Variants in DEUP1 observed in about 807,000 individuals in gnomAD.
The protein encoded by DEUP1 is deuterosome assembly protein 1.
Under a neutral mutation model 87.4 loss-of-function variants are expected in DEUP1, and 82 were observed. That is an observed-to-expected ratio of 0.94 (90% CI 0.78 to 1.13). The LOEUF (loss-of-function observed/expected upper bound fraction) is 1.13, where lower values mean the gene tolerates loss of function less well. Among genes scored for constraint, DEUP1 ranks in the 50% most tolerant of loss-of-function variants. DEUP1 has a pLI of 0.00. For synonymous variants in DEUP1, 214 were observed against 222.7 expected (o/e 0.96, Z 0.35); for missense variants, 663 against 681.5 (o/e 0.97, Z 0.30).
At chr11:93,436,263 T>G (rs1309594853) in intron 13 of DEUP1, among the ~76,000 whole-genome samples, 1 of 152,176 alleles carries the variant, frequency 6.6e-6, no homozygotes, top group Non-Finnish European at 1.5e-5. Flanking sequence ...CTCATTAACA[T>G]GATGTTAGTG....
intron 4 of DEUP1, among the ~76,000 whole-genome samples, chr11:93,359,862 G>A (rs970584962): frequency 1.2e-4 from 19 of 152,146 alleles, no homozygotes; most frequent in Admixed American, 3.9e-4. Context: ...AAGGTAACCC[G>A]GGCCCTCTTT....
chr11:93,409,962 T>G (rs1210885292), intron 12 of DEUP1, among the ~76,000 whole-genome samples: 1 of 152,124 alleles, frequency 6.6e-6, no homozygotes, highest in Non-Finnish European at 1.5e-5. Flanking sequence ...AAGATAGTTC[T>G]GTGGGGGAGA....
chr11:93,366,546 T>C (rs1024621867), intron 5 of DEUP1, among the ~76,000 whole-genome samples: 2 of 152,170 alleles, frequency 1.3e-5, no homozygotes, highest in African/African-American at 4.8e-5. Context: ...AAAACCCTTA[T>C]GAAGCTCTCT....
At chr11:93,372,823 G>A (rs1223608771) in intron 7 of DEUP1, among the ~76,000 whole-genome samples, 1 of 152,236 alleles carries the variant, frequency 6.6e-6, no homozygotes, top group African/African-American at 2.4e-5. Flanking sequence ...CAAAGGTATT[G>A]ATGGTGTTTT....
chr11:93,335,256 GA>G (rs1173096536), intron 2 of DEUP1, among the ~76,000 whole-genome samples: 1 of 144,316 alleles, frequency 6.9e-6, no homozygotes, highest in Non-Finnish European at 1.6e-5. Flanking sequence ...ATAGGATATG[GA>G]CTATATGATT....
At chr11:93,405,974 A>G (rs912381102) in intron 11 of DEUP1, among the ~76,000 whole-genome samples, 2 of 151,928 alleles carry the variant, frequency 1.3e-5, no homozygotes, top group Non-Finnish European at 2.9e-5. Context: ...CAGCTACACA[A>G]CTCACGTATA....
chr11:93,370,744 G>A (rs1208482330), intron 6 of DEUP1, among the ~76,000 whole-genome samples: 3 of 151,942 alleles, frequency 2.0e-5, no homozygotes, highest in South Asian at 2.1e-4. Context: ...TTGTATAATT[G>A]AATTTTTTAC....
intron 7 of DEUP1, among the ~76,000 whole-genome samples, chr11:93,380,268 T>A (rs1051135201): frequency 3.3e-5 from 5 of 152,234 alleles, no homozygotes; most frequent in African/African-American, 1.2e-4. Flanking sequence ...ATTCTCTAAC[T>A]TCATTTTGTG....
chr11:93,415,598 A>T lies in DEUP1; in HGVS notation c.1638+484A>T, dbSNP rs115608578. On this transcript the variant is annotated intron_variant, in intron 13 of 13. Transcript: ENST00000298050. ...CAAGTAATGATCAGACATCCCCAGC[A>T]CTCCAGAAGCCCCACTCATGTTCCC... 7.9e-3 allele frequency among the ~76,000 whole-genome samples: 1,198 copies of T among 151,728 alleles called. 15 individuals are homozygous for T. Among genetic ancestry groups the T allele is most frequent in the African/African-American group, 0.028 (1,153 of 41,344 alleles).
chr11:93,397,498 A>AT (rs1421755249), intron 11 of DEUP1, among the ~76,000 whole-genome samples: 2 of 151,882 alleles, frequency 1.3e-5, no homozygotes, highest in East Asian at 1.9e-4. Context: ...TGGTATTTGT[A>AT]TTTTTTTTAC....
intron 11 of DEUP1, among the ~76,000 whole-genome samples, chr11:93,402,524 G>A (rs1266778905): frequency 6.6e-6 from 1 of 151,706 alleles, no homozygotes; most frequent in Non-Finnish European, 1.5e-5. Flanking sequence ...CCAAAAGAAA[G>A]GAATCAATAT....
intron 4 of DEUP1, among the ~76,000 whole-genome samples, chr11:93,361,369 G>A (rs1335651240): frequency 6.6e-6 from 1 of 151,984 alleles, no homozygotes; most frequent in African/African-American, 2.4e-5. Context: ...TAAAAAACAT[G>A]GGGGGAAATG....
chr11:93,354,047 A>G (rs1456668205), intron 2 of DEUP1, among the ~76,000 whole-genome samples: 1 of 152,094 alleles, frequency 6.6e-6, no homozygotes, highest in Non-Finnish European at 1.5e-5. Flanking sequence ...CAGGCAGCAA[A>G]TTTTCTGAAC....
chr11:93,370,513 A>G (rs1343304086), intron 6 of DEUP1, among the ~76,000 whole-genome samples: 1 of 152,224 alleles, frequency 6.6e-6, no homozygotes, highest in African/African-American at 2.4e-5. Context: ...AAGACTGAAC[A>G]TCTCCTCATA....
chr11:93,393,709 T>G (rs927522022), intron 9 of DEUP1, among the ~76,000 whole-genome samples: 17 of 141,402 alleles, frequency 1.2e-4, no homozygotes, highest in African/African-American at 4.1e-4. Context: ...TCTCAAGAAT[T>G]AGAAACAGTA....
chr11:93,410,591 T>C (rs1220635046), intron 12 of DEUP1, among the ~76,000 whole-genome samples: 1 of 152,182 alleles, frequency 6.6e-6, no homozygotes, highest in East Asian at 1.9e-4. Flanking sequence ...CTGCGTATGT[T>C]AGTCACTGAT....
At chr11:93,374,170 A>G (rs1165473550) in intron 7 of DEUP1, among the ~76,000 whole-genome samples, 1 of 152,084 alleles carries the variant, frequency 6.6e-6, no homozygotes, top group East Asian at 1.9e-4. Context: ...CTCCTTATCA[A>G]TCCTGGATAT....
Position 93,371,300 on chromosome 11 carries a change from C to A in DEUP1, c.789+20C>A. 6.2e-7 allele frequency: 1 copy of A among 1,602,620 alleles called. No individual in the cohort carries two copies. Among genetic ancestry groups the A allele is most frequent in the South Asian group, 1.1e-5 (1 of 88,718 alleles). ...TGCCAGGTGAAGATTAATTTTTTTT[C>A]AACTAATATTGTCCATGACTTGTAT... On this transcript the variant is annotated intron_variant, in intron 7 of 13. Coordinates refer to ENST00000298050, the MANE Select transcript of DEUP1 (RefSeq NM_181645.4).
chr11:93,361,928 T>C (rs1945195203), intron 4 of DEUP1, among the ~76,000 whole-genome samples: 2 of 152,024 alleles, frequency 1.3e-5, no homozygotes, highest in Non-Finnish European at 2.9e-5. Flanking sequence ...CAAATATTAA[T>C]AGAAAGCAGA....
Sources: allele counts gnomAD v4.1 joint callset (sites outside exome capture counted in the v4.1 genomes callset), GRCh38; gene constraint gnomAD v4.1.1; transcripts MANE v1.5; gene names NCBI Gene and HGNC (gene_info 2026-07-23, HGNC 2026-07-21).